Variants in SLC25A21 observed in about 807,000 individuals in gnomAD.
SLC25A21 encodes the protein mitochondrial 2-oxodicarboxylate carrier.
In SLC25A21, 47 loss-of-function variants were observed where a neutral mutation model predicts 43.8. The observed-to-expected ratio is 1.07, with a 90% confidence interval of 0.85 to 1.37. The LOEUF (loss-of-function observed/expected upper bound fraction) is 1.37, where lower values mean the gene tolerates loss of function less well. SLC25A21 is among the 40% of genes most tolerant of loss of function. The pLI is 0.00. For missense variants in SLC25A21, 352 were observed against 350.2 expected, an observed-to-expected ratio of 1.00 and a Z score of -0.04; for synonymous variants, 131 against 121.3, an observed-to-expected ratio of 1.08 and a Z score of -0.52.
At chr14:36,796,044 A>T (rs1887658189) in intron 3 of SLC25A21, among the ~76,000 whole-genome samples, 1 of 152,322 alleles carries the variant, frequency 6.6e-6, no homozygotes, top group African/African-American at 2.4e-5. Flanking sequence ...TCTGATTGAG[A>T]GATGAAATGT....
intron 1 of SLC25A21, among the ~76,000 whole-genome samples, chr14:36,993,712 A>ACACAG (rs1276198012): frequency 2.2e-4 from 33 of 152,272 alleles, no homozygotes; most frequent in Non-Finnish European, 3.7e-4. Flanking sequence ...ATAAATGTTA[A>ACACAG]CTAGTGTGGG....
chr14:37,134,874 C>G (rs1963451909), intron 1 of SLC25A21, among the ~76,000 whole-genome samples: 1 of 151,436 alleles, frequency 6.6e-6, no homozygotes, highest in South Asian at 2.1e-4. Flanking sequence ...AAAAGGATCA[C>G]TTGAGTCCAG....
At chr14:37,045,454 C>T (rs1432112648) in intron 1 of SLC25A21, among the ~76,000 whole-genome samples, 1 of 152,154 alleles carries the variant, frequency 6.6e-6, no homozygotes, top group Non-Finnish European at 1.5e-5. Context: ...AAAAACTTCA[C>T]TAATATTTCA....
intron 1 of SLC25A21, among the ~76,000 whole-genome samples, chr14:37,010,477 G>T (rs533506599): frequency 1.3e-5 from 2 of 152,240 alleles, no homozygotes; most frequent in South Asian, 4.2e-4. Flanking sequence ...ACACTCCTGG[G>T]TGTAACTGCC....
intron 1 of SLC25A21, among the ~76,000 whole-genome samples, chr14:36,989,604 T>A (rs1166708619): frequency 6.6e-6 from 1 of 152,102 alleles, no homozygotes; most frequent in East Asian, 1.9e-4. Context: ...TTTTAACTTT[T>A]AAAGGTTTCC....
At chr14:37,158,993 A>G (rs1380079174) in intron 1 of SLC25A21, among the ~76,000 whole-genome samples, 7 of 152,176 alleles carry the variant, frequency 4.6e-5, no homozygotes, top group Non-Finnish European at 1.5e-5. Context: ...TATAGCTATA[A>G]AACATATAAA....
At chr14:37,024,268 A>G (rs1370836221) in intron 1 of SLC25A21, among the ~76,000 whole-genome samples, 1 of 152,080 alleles carries the variant, frequency 6.6e-6, no homozygotes, top group Non-Finnish European at 1.5e-5. Flanking sequence ...CTGATGCTGA[A>G]CATATCCTAC....
chr14:36,874,267 A>G (rs1419454768), intron 2 of SLC25A21, among the ~76,000 whole-genome samples: 2 of 152,228 alleles, frequency 1.3e-5, no homozygotes, highest in Admixed American at 1.3e-4. Flanking sequence ...TTTGGGTTTC[A>G]TATAGTGCAA....
chr14:36,694,712 C>A (rs545644374), intron 7 of SLC25A21, among the ~76,000 whole-genome samples: 1 of 152,150 alleles, frequency 6.6e-6, no homozygotes, highest in Non-Finnish European at 1.5e-5. Flanking sequence ...ATGTCTTCTT[C>A]TGAGAAGTGT....
intron 1 of SLC25A21, among the ~76,000 whole-genome samples, chr14:37,139,685 A>G (rs1963538874): frequency 6.6e-6 from 1 of 152,154 alleles, no homozygotes; most frequent in Non-Finnish European, 1.5e-5. Flanking sequence ...ACTGACTCCT[A>G]TGTTACGCTT....
At chr14:37,097,482 C>T (rs1436214997) in intron 1 of SLC25A21, among the ~76,000 whole-genome samples, 2 of 152,102 alleles carry the variant, frequency 1.3e-5, no homozygotes, top group African/African-American at 4.8e-5. Context: ...TTCTATTTGG[C>T]CATCTTGTTC....
At chr14:37,035,483 C>T (rs1961308166) in intron 1 of SLC25A21, among the ~76,000 whole-genome samples, 1 of 152,146 alleles carries the variant, frequency 6.6e-6, no homozygotes, top group Admixed American at 6.5e-5. Context: ...ACTTTTTCAT[C>T]AGGAAGAGGT....
At chr14:36,955,382 A>C (rs1959308949) in intron 1 of SLC25A21, among the ~76,000 whole-genome samples, 1 of 152,238 alleles carries the variant, frequency 6.6e-6, no homozygotes, top group Non-Finnish European at 1.5e-5. Flanking sequence ...CTTAGTAATG[A>C]AAGAAAATTA....
intron 1 of SLC25A21, among the ~76,000 whole-genome samples, chr14:37,130,953 G>A (rs1485628048): frequency 6.6e-6 from 1 of 152,152 alleles, no homozygotes; most frequent in Admixed American, 6.5e-5. Flanking sequence ...AGGGGATCTG[G>A]CCACTACAAA....
chr14:36,885,903 T>C (rs979029044), intron 1 of SLC25A21, among the ~76,000 whole-genome samples: 16 of 152,172 alleles, frequency 1.1e-4, no homozygotes, highest in Admixed American at 7.9e-4. Context: ...CCTTGATGTT[T>C]TCGAATTAAA....
rs537687920 is a variant in SLC25A21 at position 37,038,923 on chromosome 14, G to A, written c.70+133358C>T. 1.4e-4 allele frequency among the ~76,000 whole-genome samples: 21 copies of A among 152,116 alleles called. No homozygotes were observed. In the South Asian group the frequency reaches 3.5e-3, roughly 26 times the overall value. ...TCATTCATCCACCTCCATCATCCCC[G>A]ACACCATACAGGCCACATAGACAAA... On this transcript the variant is annotated intron_variant, in intron 1 of 9. Transcript: ENST00000331299.
At chr14:36,776,739 T>G (rs949905334) in intron 3 of SLC25A21, among the ~76,000 whole-genome samples, 2 of 152,112 alleles carry the variant, frequency 1.3e-5, no homozygotes, top group African/African-American at 4.8e-5. Context: ...AGTTCCCTCT[T>G]TACTCTCAGC....
At position 36,679,842 on chromosome 14, in the gene SLC25A21, T is replaced by C; in HGVS notation, c.*816A>G. The C allele has an allele frequency of 1.0e-6, 1 of 984,464 alleles. No individual in the cohort carries two copies. The highest frequency in any genetic ancestry group is 1.2e-6 in the Non-Finnish European group (1 of 829,068). The allele number at this position is 984,464 out of a possible 1,614,324, so 61.0% of individuals were successfully genotyped here. ...TGTGATTTAACATGACAATATCTCATCAACAAAACTTATCTTCAAAGAGAA... is the reference window on the plus strand; with the variant it reads ...TGTGATTTAACATGACAATATCTCACCAACAAAACTTATCTTCAAAGAGAA... On this transcript the variant is annotated 3_prime_UTR_variant, in exon 10 of 10. Transcript: ENST00000331299.
At chr14:36,854,625 A>G (rs1042517187) in intron 2 of SLC25A21, among the ~76,000 whole-genome samples, 30 of 152,216 alleles carry the variant, frequency 2.0e-4, no homozygotes, top group African/African-American at 6.8e-4. Flanking sequence ...AGTGATTTTT[A>G]TTACCATTAT....
Sources: gnomAD v4.1 joint callset for allele counts (sites outside exome capture counted in the v4.1 genomes callset) on GRCh38, gnomAD v4.1.1 for gene constraint, MANE v1.5 for transcripts, NCBI Gene and HGNC (gene_info 2026-07-23, HGNC 2026-07-21) for gene names.